Variants in RYR2 observed in about 807,000 individuals in gnomAD.
RYR2 encodes ryanodine receptor 2, also known as cardiac muscle ryanodine receptor-calcium release channel.
In RYR2, 227 loss-of-function variants were observed where a neutral mutation model predicts 601.1. The observed-to-expected ratio is 0.38, with a 90% confidence interval of 0.34 to 0.42. The LOEUF is 0.42. RYR2 is among the 10% of genes least tolerant of loss of function. The probability of loss-of-function intolerance (pLI) is 1.00; values close to 1 mark genes in which losing one functional copy is unlikely to be tolerated. For missense variants in RYR2, 4,646 were observed against 6,156.5 expected, an observed-to-expected ratio of 0.75 and a Z score of 8.21; for synonymous variants, 2,223 against 2,175.1, an observed-to-expected ratio of 1.02 and a Z score of -0.61.
intron 1 of RYR2, among the ~76,000 whole-genome samples, chr1:237,174,736 A>G (rs754663601): frequency 1.2e-4 from 18 of 152,238 alleles, no homozygotes; most frequent in Non-Finnish European, 2.1e-4. Context: ...CTGAATATTT[A>G]GGAGTAAACT....
At chr1:237,222,440 A>G (rs967897877) in intron 1 of RYR2, among the ~76,000 whole-genome samples, 3 of 150,686 alleles carry the variant, frequency 2.0e-5, no homozygotes, top group Non-Finnish European at 4.4e-5. Flanking sequence ...GCTTGGGGCC[A>G]GTGGACTTGT....
chr1:237,701,015 A>G (rs1056186166), intron 65 of RYR2, among the ~76,000 whole-genome samples: 3 of 152,332 alleles, frequency 2.0e-5, no homozygotes, highest in Admixed American at 2.0e-4. Context: ...ATAAAACTAT[A>G]CACAGAATGC....
At chr1:237,151,726 G>A (rs574326134) in intron 1 of RYR2, among the ~76,000 whole-genome samples, 1 of 152,332 alleles carries the variant, frequency 6.6e-6, no homozygotes, top group East Asian at 1.9e-4. Context: ...AAGGAGCAGA[G>A]GAGGACCTTT....
intron 10 of RYR2, among the ~76,000 whole-genome samples, chr1:237,409,648 A>T (rs1704246800): frequency 6.6e-6 from 1 of 152,096 alleles, no homozygotes; most frequent in Non-Finnish European, 1.5e-5. Context: ...TTGAAGGGAG[A>T]ATTGAATTCT....
chr1:237,413,969 T>C (rs1360543707), intron 10 of RYR2, among the ~76,000 whole-genome samples: 1 of 152,170 alleles, frequency 6.6e-6, no homozygotes, highest in Non-Finnish European at 1.5e-5. Flanking sequence ...CTTTGACCCA[T>C]GAATTATTTA....
intron 3 of RYR2, among the ~76,000 whole-genome samples, chr1:237,342,918 A>G (rs1250416677): frequency 6.6e-6 from 1 of 152,188 alleles, no homozygotes; most frequent in Non-Finnish European, 1.5e-5. Flanking sequence ...CTGACAAAAG[A>G]GAAAAGTAGG....
intron 1 of RYR2, among the ~76,000 whole-genome samples, chr1:237,208,962 AT>A (rs1682172270): frequency 9.6e-6 from 1 of 103,924 alleles, no homozygotes; most frequent in Non-Finnish European, 2.1e-5. Context: ...ATATATATAT[AT>A]ATATATATAT....
intron 80 of RYR2, among the ~76,000 whole-genome samples, chr1:237,747,308 A>G (rs1343261132): frequency 2.0e-5 from 3 of 152,208 alleles, no homozygotes; most frequent in Admixed American, 6.5e-5. Context: ...TGTACTATTG[A>G]TTAAAGAGAA....
intron 2 of RYR2, among the ~76,000 whole-genome samples, chr1:237,310,237 A>G (rs1343232485): frequency 6.6e-6 from 1 of 152,218 alleles, no homozygotes; most frequent in African/African-American, 2.4e-5. Context: ...TACTGTAGGT[A>G]TTATACTAAT....
chr1:237,202,864 A>G (rs1681352835), intron 1 of RYR2, among the ~76,000 whole-genome samples: 1 of 152,132 alleles, frequency 6.6e-6, no homozygotes, highest in African/African-American at 2.4e-5. Flanking sequence ...GAAAGGAGGG[A>G]AAGGACAATT....
chr1:237,235,600 A>G (rs1026653950), intron 1 of RYR2, among the ~76,000 whole-genome samples: 1 of 152,196 alleles, frequency 6.6e-6, no homozygotes, highest in Non-Finnish European at 1.5e-5. Context: ...GGTTTTCCAA[A>G]CAGTTGGAAA....
At chr1:237,074,204 C>G (rs1349401058) in intron 1 of RYR2, among the ~76,000 whole-genome samples, 2 of 152,050 alleles carry the variant, frequency 1.3e-5, no homozygotes, top group Non-Finnish European at 2.9e-5. Context: ...TGTATCCCAG[C>G]TACTTGGGAG....
At chr1:237,757,605 A>G in intron 81 of RYR2, 92 bp from the exon 82 acceptor site, 1 of 818,206 alleles carries the variant, frequency 1.2e-6, no homozygotes, top group Non-Finnish European at 2.1e-6. Context: ...GGGGGGCATA[A>G]TAATAATTTT....
intron 1 of RYR2, among the ~76,000 whole-genome samples, chr1:237,156,658 T>G (rs535493530): frequency 1.2e-4 from 18 of 152,298 alleles, no homozygotes; most frequent in Admixed American, 9.8e-4. Flanking sequence ...AAGCCTTCAG[T>G]AAATATGTAT....
At chr1:237,761,794 C>T (rs1308971566) in intron 84 of RYR2, among the ~76,000 whole-genome samples, 1 of 151,976 alleles carries the variant, frequency 6.6e-6, no homozygotes, top group Non-Finnish European at 1.5e-5. Flanking sequence ...TTACTCAGGG[C>T]CCCGTATGTT....
Position 237,380,359 on chromosome 1 carries a change from AATATATATATATATAT to A in RYR2, c.576+2972_576+2987del, listed in dbSNP as rs57204036. Among the ~76,000 whole-genome samples, 148 of 29,264 alleles carry A rather than the reference AATATATATATATATAT, an allele frequency of 5.1e-3. 1 individual carries two copies. The highest frequency in any genetic ancestry group is 9.2e-3 in the East Asian group (6 of 650). The allele number at this position is 29,264 out of a possible 152,430, so 19.2% of individuals were successfully genotyped here. A position where few individuals can be genotyped will look rare whatever the true frequency, so the allele number is the denominator to read the frequency against. ...GCACACTTGCCTTGTAGAATACACA[AATATATATATATATAT>A]ATATATATATATATATATATATATA... On this transcript the variant is annotated intron_variant, in intron 8 of 104. Coordinates refer to ENST00000366574, the MANE Select transcript of RYR2 (RefSeq NM_001035.3).
chr1:237,239,876 T>G (rs1161354475), intron 1 of RYR2, among the ~76,000 whole-genome samples: 1 of 152,226 alleles, frequency 6.6e-6, no homozygotes, highest in East Asian at 1.9e-4. Context: ...ATCAACTGTT[T>G]ACTCTATCAC....
At chr1:237,276,754 A>G (rs1220480700) in intron 2 of RYR2, among the ~76,000 whole-genome samples, 1 of 152,236 alleles carries the variant, frequency 6.6e-6, no homozygotes, top group African/African-American at 2.4e-5. Flanking sequence ...ATTTCAAGAA[A>G]ATAAAAATTT....
At chr1:237,206,163 G>C (rs890258954) in intron 1 of RYR2, among the ~76,000 whole-genome samples, 2 of 152,156 alleles carry the variant, frequency 1.3e-5, no homozygotes, top group African/African-American at 4.8e-5. Context: ...TCCAGCCACA[G>C]TCTGCAGGGC....
Sources: allele counts gnomAD v4.1 joint callset (sites outside exome capture counted in the v4.1 genomes callset), GRCh38; gene constraint gnomAD v4.1.1; transcripts MANE v1.5; gene names NCBI Gene and HGNC (gene_info 2026-07-23, HGNC 2026-07-21).